The following FBXO36 variants were observed in gnomAD, a reference collection of about 807,000 sequenced individuals.
FBXO36 encodes the protein F-box protein 36.
Under a neutral mutation model 17.0 loss-of-function variants are expected in FBXO36, and 18 were observed. The observed-to-expected ratio is 1.06, with a 90% CI of 0.73 to 1.57. FBXO36 has a LOEUF of 1.57. FBXO36 is among the 40% of genes most tolerant of loss of function. FBXO36 has a pLI of 0.00. For synonymous variants in FBXO36, 83 were observed against 85.3 expected (o/e 0.97, Z 0.15); for missense variants, 229 against 221.9 (o/e 1.03, Z -0.20).
intron 3 of FBXO36, among the ~76,000 whole-genome samples, chr2:230,010,444 G>C (rs2077409517): frequency 6.6e-6 from 1 of 152,134 alleles, no homozygotes; most frequent in South Asian, 2.1e-4. Context: ...TGTGTTGCCT[G>C]GTGTTGGTAG....
chr2:229,988,847 T>TG (rs1553810057), intron 2 of FBXO36, among the ~76,000 whole-genome samples: 41 of 148,502 alleles, frequency 2.8e-4, no homozygotes, highest in African/African-American at 3.9e-4. Context: ...TTTTTTTGTT[T>TG]TTTTTTTTTT....
Position 229,976,375 on chromosome 2 carries a change from C to T in FBXO36, c.205+26C>T, listed in dbSNP as rs200117336. ...GTAAGGAACGGAACATATTATATAC[C>T]CCTGTTAAGTTCTCATTAGTTAGTG... On this transcript the variant is annotated intron_variant, in intron 2 of 3. Transcript: ENST00000283946. The T allele has an allele frequency of 8.8e-5, 130 of 1,470,188 alleles. No individual in the cohort carries two copies. The Admixed American group carries it at 2.2e-3, about 25-fold the overall frequency. 91.1% of individuals were successfully genotyped at this position (1,470,188 alleles called of 1,614,324 possible). A position where few individuals can be genotyped will look rare whatever the true frequency, so the allele number is the denominator to read the frequency against.
At chr2:229,932,148 G>A (rs1316397251) in intron 1 of FBXO36, among the ~76,000 whole-genome samples, 10 of 151,940 alleles carry the variant, frequency 6.6e-5, no homozygotes, top group Admixed American at 3.3e-4. Context: ...TCAGGAGGAC[G>A]AGGTGGGCGG....
intron 1 of FBXO36, among the ~76,000 whole-genome samples, chr2:229,963,178 G>A (rs1411402767): frequency 6.6e-6 from 1 of 151,714 alleles, no homozygotes; most frequent in Non-Finnish European, 1.5e-5. Context: ...CGATTCTTCT[G>A]CCTCAGCCTC....
chr2:229,995,790 C>T (rs1222377238), intron 2 of FBXO36, among the ~76,000 whole-genome samples: 5 of 151,860 alleles, frequency 3.3e-5, no homozygotes, highest in Non-Finnish European at 5.9e-5. Context: ...CAGGGTTTCT[C>T]CATGTTGGTC....
intron 2 of FBXO36, among the ~76,000 whole-genome samples, chr2:229,991,481 G>C (rs1438542537): frequency 2.0e-5 from 3 of 152,128 alleles, no homozygotes; most frequent in Non-Finnish European, 4.4e-5. Flanking sequence ...CTCACTCCCT[G>C]TCTCCTTAAG....
At chr2:229,988,611 T>A (rs2077281300) in intron 2 of FBXO36, among the ~76,000 whole-genome samples, 1 of 152,148 alleles carries the variant, frequency 6.6e-6, no homozygotes, top group East Asian at 1.9e-4. Flanking sequence ...TTCAGCTCAC[T>A]ACAAGCTCCG....
At chr2:229,973,862 C>T (rs1457609897) in intron 1 of FBXO36, among the ~76,000 whole-genome samples, 1 of 151,992 alleles carries the variant, frequency 6.6e-6, no homozygotes, top group Non-Finnish European at 1.5e-5. Flanking sequence ...GCCTGGGCAA[C>T]TTGGTGAAAC....
intron 2 of FBXO36, among the ~76,000 whole-genome samples, chr2:229,982,033 T>TG (rs2077243132): frequency 6.6e-6 from 1 of 151,784 alleles, no homozygotes; most frequent in Admixed American, 6.6e-5. Flanking sequence ...TTTTTGTTTT[T>TG]TTTTTTGAGA....
chr2:229,939,461 A>G (rs2076985607), intron 1 of FBXO36, among the ~76,000 whole-genome samples: 1 of 151,904 alleles, frequency 6.6e-6, no homozygotes, highest in African/African-American at 2.4e-5. Flanking sequence ...AAAAAAAAAA[A>G]TTAGCCGGAC....
chr2:230,009,856 G>A (rs1198107520), intron 3 of FBXO36, among the ~76,000 whole-genome samples: 1 of 152,158 alleles, frequency 6.6e-6, no homozygotes, highest in East Asian at 1.9e-4. Flanking sequence ...TGAAGCAGCA[G>A]AATCACTTGA....
intron 3 of FBXO36, among the ~76,000 whole-genome samples, chr2:230,001,093 A>T (rs2077356111): frequency 6.6e-6 from 1 of 151,912 alleles, no homozygotes. Context: ...TCCTGGCCTC[A>T]AGTGATCCAC....
At chr2:229,944,516 T>C (rs996362266) in intron 1 of FBXO36, among the ~76,000 whole-genome samples, 1 of 152,196 alleles carries the variant, frequency 6.6e-6, no homozygotes, top group Non-Finnish European at 1.5e-5. Flanking sequence ...AGTGTAGACT[T>C]TGTTATTACT....
chr2:229,949,701 G>A (rs1166826734), intron 1 of FBXO36, among the ~76,000 whole-genome samples: 4 of 152,116 alleles, frequency 2.6e-5, no homozygotes, highest in African/African-American at 2.4e-5. Context: ...CAAGGCGGGC[G>A]GATCACGAGG....
At chr2:229,929,063 A>G (rs1184701520) in intron 1 of FBXO36, among the ~76,000 whole-genome samples, 1 of 150,004 alleles carries the variant, frequency 6.7e-6, no homozygotes, top group Non-Finnish European at 1.5e-5. Context: ...CCTCCCAAGT[A>G]GCTGGGACTA....
At chr2:229,996,642 T>A (rs1190427292) in intron 2 of FBXO36, 109 bp from the exon 3 acceptor site, 2 of 1,198,774 alleles carry the variant, frequency 1.7e-6, no homozygotes, top group Non-Finnish European at 2.3e-6. Flanking sequence ...TAGCATCATC[T>A]AACGTCACTC....
intron 1 of FBXO36, among the ~76,000 whole-genome samples, chr2:229,970,261 T>C (rs1441244407): frequency 6.6e-6 from 1 of 152,180 alleles, no homozygotes; most frequent in Non-Finnish European, 1.5e-5. Flanking sequence ...GGCTCACACC[T>C]GTAATATCAA....
intron 1 of FBXO36, among the ~76,000 whole-genome samples, chr2:229,929,597 G>A (rs1364868371): frequency 1.3e-5 from 2 of 151,834 alleles, no homozygotes; most frequent in Non-Finnish European, 2.9e-5. Flanking sequence ...ACACAGCCAG[G>A]CGCGGTGGCT....
intron 1 of FBXO36, among the ~76,000 whole-genome samples, chr2:229,944,268 T>C (rs985029299): frequency 2.6e-5 from 4 of 152,184 alleles, no homozygotes; most frequent in African/African-American, 9.7e-5. Context: ...TTTGAGGAAT[T>C]GAAATGAAAC....
Sources: gnomAD v4.1 joint callset for allele counts (sites outside exome capture counted in the v4.1 genomes callset) on GRCh38, gnomAD v4.1.1 for gene constraint, MANE v1.5 for transcripts, NCBI Gene and HGNC (gene_info 2026-07-23, HGNC 2026-07-21) for gene names.